C1orf198: variants seen among roughly 807,000 people sequenced by gnomAD.
C1orf198 encodes the protein chromosome 1 open reading frame 198, also known as uncharacterized protein C1orf198.
Under a neutral mutation model 31.4 loss-of-function variants are expected in C1orf198, and 17 were observed. That is an observed-to-expected ratio of 0.54 (90% CI 0.37 to 0.81). C1orf198 has a LOEUF of 0.81. Among genes scored for constraint, C1orf198 ranks in the 40% least tolerant of loss-of-function variants. The pLI, the probability that C1orf198 is intolerant of heterozygous loss-of-function variation, is 0.00. For missense variants in C1orf198, 401 were observed against 450.3 expected (o/e 0.89, Z 0.99); for synonymous variants, 175 against 193.8 (o/e 0.90, Z 0.81).
At chr1:230,844,199 G>C (rs148642269) in intron 2 of C1orf198, among the ~76,000 whole-genome samples, 1 of 152,080 alleles carries the variant, frequency 6.6e-6, no homozygotes, top group African/African-American at 2.4e-5. Context: ...CCTCGTGGGA[G>C]GTGTCTGGAT....
intron 2 of C1orf198, among the ~76,000 whole-genome samples, chr1:230,846,841 C>G (rs1209505003): frequency 6.6e-6 from 1 of 152,076 alleles, no homozygotes; most frequent in Non-Finnish European, 1.5e-5. Flanking sequence ...CGGTGGCTCA[C>G]GCCTGTAATC....
intron 1 of C1orf198, chr1:230,855,995 G>A (rs1037832201): frequency 1.6e-6 from 2 of 1,230,858 alleles, no homozygotes; most frequent in Non-Finnish European, 2.0e-6. Flanking sequence ...AGACAGATGA[G>A]ATGAGTAGGA....
chr1:230,853,436 G>T (rs530656055), intron 2 of C1orf198, among the ~76,000 whole-genome samples: 1 of 152,090 alleles, frequency 6.6e-6, no homozygotes, highest in Non-Finnish European at 1.5e-5. Context: ...CTTCAAGCAG[G>T]ATGGCAGGGC....
chr1:230,849,891 T>C (rs1669696659), intron 2 of C1orf198, among the ~76,000 whole-genome samples: 1 of 152,128 alleles, frequency 6.6e-6, no homozygotes, highest in African/African-American at 2.4e-5. Context: ...TAAAAACCTT[T>C]AGAATCACAA....
intron 1 of C1orf198, among the ~76,000 whole-genome samples, chr1:230,867,788 A>T (rs960627239): frequency 4.6e-5 from 7 of 152,186 alleles, no homozygotes; most frequent in Non-Finnish European, 1.0e-4. Flanking sequence ...TAAGAAGTTA[A>T]TTGACCCACC....
intron 1 of C1orf198, among the ~76,000 whole-genome samples, chr1:230,862,635 C>A (rs1167926753): frequency 6.6e-6 from 1 of 152,164 alleles, no homozygotes; most frequent in East Asian, 1.9e-4. Context: ...CTGTATGAAT[C>A]CAACCATATT....
intron 2 of C1orf198, among the ~76,000 whole-genome samples, chr1:230,855,094 G>A (rs1669840211): frequency 6.6e-6 from 1 of 152,084 alleles, no homozygotes; most frequent in African/African-American, 2.4e-5. Context: ...ACTTCTACTG[G>A]GGCAACTTAG....
At chr1:230,855,598 T>C in intron 2 of C1orf198, 70 bp downstream of exon 2, 1 of 1,538,246 alleles carries the variant, frequency 6.5e-7, no homozygotes, top group Non-Finnish European at 8.9e-7. Flanking sequence ...CATCAAATGC[T>C]GAAAGAAAAA....
At chr1:230,854,054 T>C (rs761615675) in intron 2 of C1orf198, among the ~76,000 whole-genome samples, 4 of 152,214 alleles carry the variant, frequency 2.6e-5, no homozygotes, top group Non-Finnish European at 4.4e-5. Context: ...TTCAGGAACA[T>C]TTAACAAGCT....
At position 230,857,985 on chromosome 1, in the gene C1orf198, G is replaced by T. The variant is rs1026109332; in HGVS notation, c.334-2267C>A. Reference sequence around the variant, plus strand: ...ACTGATTGGTATGCAGTGCCTCATGGCTGTCAAGCAAAACCTTTAAAAATG... The same window carrying T: ...ACTGATTGGTATGCAGTGCCTCATGTCTGTCAAGCAAAACCTTTAAAAATG... On this transcript the variant is annotated intron_variant, in intron 1 of 3. Coordinates refer to ENST00000366663, the MANE Select transcript of C1orf198 (RefSeq NM_032800.3). The surrounding 1 kb of genome is among the most constrained non-coding windows in gnomAD (Gnocchi z 4.2). Among the ~76,000 whole-genome samples, 1 of 152,202 alleles carries T rather than the reference G, an allele frequency of 6.6e-6. No homozygotes were observed. Among genetic ancestry groups the T allele is most frequent in the Non-Finnish European group, 1.5e-5 (1 of 68,032 alleles).
chr1:230,839,606 T>G lies in C1orf198; in HGVS notation c.*246A>C, dbSNP rs1447924129. 1 of 420,024 alleles carries G rather than the reference T, an allele frequency of 2.4e-6. No individual in the cohort carries two copies. Among genetic ancestry groups the G allele is most frequent in the Non-Finnish European group, 4.2e-6 (1 of 240,730 alleles). The allele number at this position is 420,024 out of a possible 1,614,324, so 26.0% of individuals were successfully genotyped here. A position where few individuals can be genotyped will look rare whatever the true frequency, so the allele number is the denominator to read the frequency against. Reference sequence around the variant, plus strand: ...AGTTTTATTTACAAGATCTCCTGAATTATTAACAGACCTTAAAAATTCCAA... The same window carrying G: ...AGTTTTATTTACAAGATCTCCTGAAGTATTAACAGACCTTAAAAATTCCAA... On this transcript the variant is annotated 3_prime_UTR_variant, in exon 4 of 4. Coordinates refer to ENST00000366663, the MANE Select transcript of C1orf198 (RefSeq NM_032800.3).
intron 2 of C1orf198, among the ~76,000 whole-genome samples, chr1:230,849,841 C>G (rs1205650405): frequency 1.3e-5 from 2 of 152,222 alleles, no homozygotes; most frequent in African/African-American, 4.8e-5. Flanking sequence ...CCCACCTCCC[C>G]TCCAAAGAGG....
chr1:230,854,653 TTAC>T (rs1175702196), intron 2 of C1orf198, among the ~76,000 whole-genome samples: 1 of 152,204 alleles, frequency 6.6e-6, no homozygotes, highest in South Asian at 2.1e-4. Context: ...CGGCAATAGC[TTAC>T]TAAATACTGT....
chr1:230,848,613 G>A, intron 2 of C1orf198, among the ~76,000 whole-genome samples: 1 of 152,124 alleles, frequency 6.6e-6, no homozygotes, highest in East Asian at 1.9e-4. Context: ...ACCCTAACTT[G>A]AACATACAGT....
chr1:230,855,819 C>G (rs2102986852), intron 1 of C1orf198, 101 bp from the exon 2 acceptor site: 1 of 1,529,762 alleles, frequency 6.5e-7, no homozygotes, highest in East Asian at 2.3e-5. Flanking sequence ...TAGGAATAAT[C>G]CCAACTCCTG....
Position 230,839,675 on chromosome 1 carries a change from T to A in C1orf198, c.*177A>T. 2 of 575,360 alleles carry A rather than the reference T, an allele frequency of 3.5e-6. No homozygotes were observed. The highest frequency in any genetic ancestry group is 6.0e-6 in the Non-Finnish European group (2 of 334,496). 35.6% of individuals were successfully genotyped at this position (575,360 alleles called of 1,614,324 possible). A position where few individuals can be genotyped will look rare whatever the true frequency, so the allele number is the denominator to read the frequency against. On this transcript the variant is annotated 3_prime_UTR_variant, in exon 4 of 4. Transcript: ENST00000366663. ...CAAATCACTGAAAATAGCATATATA[T>A]CTGGTTCTACCAAAAAAGAAAAAAA... is the stretch of plus-strand genomic sequence containing the variant.
Position 230,843,240 on chromosome 1 carries a change from G to A in C1orf198, c.927+114C>T. ...TCCTCTGAGGAAGAGGCAGGGGAAG[G>A]AGAAGAAAAAGAGCATGGGCACCTG... On this transcript the variant is annotated intron_variant, in intron 3 of 3. Coordinates refer to ENST00000366663, the MANE Select transcript of C1orf198 (RefSeq NM_032800.3). The surrounding 1 kb of genome is among the most constrained non-coding windows in gnomAD (Gnocchi z 4.9). The A allele has an allele frequency of 1.6e-6, 2 of 1,243,012 alleles. No homozygotes were observed. Among genetic ancestry groups the A allele is most frequent in the South Asian group, 1.5e-5 (1 of 64,814 alleles). 77.0% of individuals were successfully genotyped at this position (1,243,012 alleles called of 1,614,324 possible). A position where few individuals can be genotyped will look rare whatever the true frequency, so the allele number is the denominator to read the frequency against.
chr1:230,852,159 G>A (rs952829535), intron 2 of C1orf198, among the ~76,000 whole-genome samples: 4 of 152,140 alleles, frequency 2.6e-5, no homozygotes, highest in Non-Finnish European at 5.9e-5. Context: ...TTAAACGTAT[G>A]GAGAAAATGA....
Position 230,839,321 on chromosome 1 carries a change from C to G in C1orf198, c.*531G>C, listed in dbSNP as rs374724373. 6.3e-6 allele frequency: 1 copy of G among 158,846 alleles called. No homozygotes were observed. Among genetic ancestry groups the G allele is most frequent in the Non-Finnish European group, 1.4e-5 (1 of 73,340 alleles). 9.8% of individuals were successfully genotyped at this position (158,846 alleles called of 1,614,324 possible). ...CATGATGTGAGAGACATGGCTTCTG[C>G]CAGAGAAGCCCCGGACAGCTGCGAG... On this transcript the variant is annotated 3_prime_UTR_variant, in exon 4 of 4. Coordinates refer to ENST00000366663, the MANE Select transcript of C1orf198 (RefSeq NM_032800.3).
Sources: gnomAD v4.1 joint callset for allele counts (sites outside exome capture counted in the v4.1 genomes callset) on GRCh38, gnomAD v4.1.1 for gene constraint, Gnocchi (gnomAD v3.1) non-coding constraint, MANE v1.5 for transcripts, NCBI Gene and HGNC (gene_info 2026-07-23, HGNC 2026-07-21) for gene names.